Variants in KLRG1 observed in about 807,000 individuals in gnomAD.
The protein encoded by KLRG1 is killer cell lectin-like receptor subfamily G member 1.
A neutral mutation model predicts 21.8 loss-of-function variants in KLRG1; 16 were observed. The ratio of observed to expected loss-of-function variants is 0.73; its 90% CI spans 0.50 to 1.11. The LOEUF (loss-of-function observed/expected upper bound fraction) is 1.11. Among genes scored for constraint, KLRG1 ranks in the 50% most tolerant of loss-of-function variants. The probability of loss-of-function intolerance (pLI) is 0.00; values close to 1 mark genes in which losing one functional copy is unlikely to be tolerated. For synonymous variants in KLRG1, 69 were observed against 75.9 expected, an observed-to-expected ratio of 0.91 and a Z score of 0.47; for missense variants, 173 against 218.3, an observed-to-expected ratio of 0.79 and a Z score of 1.31.
At chr12:9,022,126 C>G in the KLRG1 span, among the ~76,000 whole-genome samples, 1 of 152,054 alleles carries the variant, frequency 6.6e-6, no homozygotes. Flanking sequence ...GGCAACATAG[C>G]CAGACCCCAT....
chr12:9,092,825 C>T, the KLRG1 span, among the ~76,000 whole-genome samples: 6 of 152,328 alleles, frequency 3.9e-5, no homozygotes, highest in Non-Finnish European at 8.8e-5. Flanking sequence ...GTGTTCATTA[C>T]AGCATTATTC....
At chr12:9,007,206 T>C (rs140170135) in intron 3 of KLRG1, among the ~76,000 whole-genome samples, 2 of 152,242 alleles carry the variant, frequency 1.3e-5, no homozygotes, top group South Asian at 2.1e-4. Flanking sequence ...AAAGACTCCT[T>C]TTCTCTCCTG....
At chr12:9,009,362 A>G in intron 4 of KLRG1, 64 bp from the exon 5 acceptor site, 2 of 1,592,988 alleles carry the variant, frequency 1.3e-6, no homozygotes, top group Non-Finnish European at 1.7e-6. Flanking sequence ...TTATCCCTTC[A>G]TGCCTTTCAA....
the KLRG1 span, chr12:9,150,683 T>C: frequency 6.2e-7 from 1 of 1,612,824 alleles, no homozygotes; most frequent in Non-Finnish European, 8.5e-7. Flanking sequence ...ATTGCTGGCT[T>C]CAAGTCTCCT....
At chr12:9,124,587 G>A in the KLRG1 span, among the ~76,000 whole-genome samples, 4 of 152,256 alleles carry the variant, frequency 2.6e-5, no homozygotes, top group African/African-American at 9.6e-5. Flanking sequence ...CTGCGCGGGA[G>A]ATTCCCTGGT....
chr12:9,011,719 C>T (rs1294512752), downstream of KLRG1, among the ~76,000 whole-genome samples: 3 of 152,184 alleles, frequency 2.0e-5, no homozygotes, highest in Non-Finnish European at 2.9e-5. Flanking sequence ...GAGGCACTGA[C>T]GAGGACAGGA....
the KLRG1 span, among the ~76,000 whole-genome samples, chr12:9,057,444 G>T: frequency 6.6e-6 from 1 of 152,068 alleles, no homozygotes; most frequent in African/African-American, 2.4e-5. Context: ...TACACTCAAA[G>T]CCCAGACTTC....
the KLRG1 span, among the ~76,000 whole-genome samples, chr12:9,179,441 T>C: frequency 6.6e-6 from 1 of 152,190 alleles, no homozygotes; most frequent in Admixed American, 6.5e-5. Flanking sequence ...ATGCCAAGTG[T>C]CACCCCCATG....
At chr12:8,970,744 G>A (rs7311244) in intron 1 of KLRG1, among the ~76,000 whole-genome samples, 11,176 of 152,206 alleles carry the variant, frequency 0.073, 715 homozygotes, top group African/African-American at 0.17. Flanking sequence ...GTTAGTTGTA[G>A]GTTTTATGTA....
At chr12:9,070,771 C>T in the KLRG1 span, among the ~76,000 whole-genome samples, 2 of 151,918 alleles carry the variant, frequency 1.3e-5, no homozygotes, top group Non-Finnish European at 2.9e-5. Flanking sequence ...AGACCAGGCC[C>T]TACTCTAGAC....
exon 1 of KLRG1, chr12:8,950,200 T>C (rs1946172800): frequency 6.6e-6 from 1 of 152,258 alleles, no homozygotes; most frequent in African/African-American, 2.4e-5. Flanking sequence ...GTCCTGGCTT[T>C]CTTAACGACA....
At chr12:9,098,325 CT>C in the KLRG1 span, 2 of 172,258 alleles carry the variant, frequency 1.2e-5, no homozygotes, top group Non-Finnish European at 2.4e-5. Context: ...ATAACGAGTC[CT>C]TTTTTGGTTG....
At chr12:9,108,417 C>T in the KLRG1 span, among the ~76,000 whole-genome samples, 6 of 152,128 alleles carry the variant, frequency 3.9e-5, no homozygotes, top group Non-Finnish European at 7.3e-5. Context: ...TGAGCCACCA[C>T]GCCGGGCCTG....
At chr12:9,087,790 GAAC>G in the KLRG1 span, among the ~76,000 whole-genome samples, 3 of 152,032 alleles carry the variant, frequency 2.0e-5, no homozygotes, top group South Asian at 2.1e-4. Flanking sequence ...TGTAATTAAA[GAAC>G]AACAACAACA....
chr12:8,953,808 A>C (rs1946244279), intron 1 of KLRG1, among the ~76,000 whole-genome samples: 1 of 152,214 alleles, frequency 6.6e-6, no homozygotes, highest in Admixed American at 6.5e-5. Context: ...GATACAGAAG[A>C]AGCAGCTACG....
the KLRG1 span, among the ~76,000 whole-genome samples, chr12:9,176,997 T>G: frequency 2.0e-5 from 3 of 152,154 alleles, no homozygotes; most frequent in African/African-American, 7.2e-5. Context: ...GAGGATCGAG[T>G]ATATTTTACA....
the KLRG1 span, chr12:9,099,382 T>C: frequency 1.9e-6 from 3 of 1,554,856 alleles, no homozygotes; most frequent in Non-Finnish European, 2.6e-6. Context: ...AACACACACC[T>C]TGTTGGCCAG....
chr12:9,019,001 G>C, the KLRG1 span, among the ~76,000 whole-genome samples: 1 of 152,054 alleles, frequency 6.6e-6, no homozygotes, highest in South Asian at 2.1e-4. Flanking sequence ...GGAATGGGAG[G>C]AAACATTTGC....
At chr12:9,103,281 T>C in the KLRG1 span, among the ~76,000 whole-genome samples, 2 of 152,330 alleles carry the variant, frequency 1.3e-5, no homozygotes, top group Admixed American at 6.5e-5. Flanking sequence ...GGTGTTAGTA[T>C]TGCAATCATT....
Sources: gnomAD v4.1 joint callset for allele counts (sites outside exome capture counted in the v4.1 genomes callset) on GRCh38, gnomAD v4.1.1 for gene constraint, MANE v1.5 for transcripts, NCBI Gene and HGNC (gene_info 2026-07-23, HGNC 2026-07-21) for gene names.